ASIC2: variants seen among roughly 807,000 people sequenced by gnomAD.
ASIC2 encodes acid-sensing ion channel 2.
ASIC2 carries 25 observed loss-of-function variants against 57.3 expected under a neutral mutation model. That is an observed-to-expected ratio of 0.44 (90% CI 0.32 to 0.61). The LOEUF (loss-of-function observed/expected upper bound fraction) is 0.61. Among genes scored for constraint, ASIC2 ranks in the 20% least tolerant of loss-of-function variants. ASIC2 has a pLI of 0.06. For synonymous variants in ASIC2, 319 were observed against 307.5 expected, an observed-to-expected ratio of 1.04 and a Z score of -0.39; for missense variants, 641 against 738.1, an observed-to-expected ratio of 0.87 and a Z score of 1.52.
At chr17:33,631,162 G>A (rs8080899) in intron 1 of ASIC2, among the ~76,000 whole-genome samples, 3 of 152,144 alleles carry the variant, frequency 2.0e-5, no homozygotes, top group Non-Finnish European at 2.9e-5. Context: ...GCCAGGCAAC[G>A]TACAGGTCAA....
chr17:33,646,701 G>A (rs1425334595), intron 1 of ASIC2, among the ~76,000 whole-genome samples: 1 of 152,200 alleles, frequency 6.6e-6, no homozygotes, highest in Non-Finnish European at 1.5e-5. Context: ...TTGACAAGCT[G>A]GGATGGGGCT....
At chr17:33,909,550 G>A (rs2141958165) in intron 1 of ASIC2, among the ~76,000 whole-genome samples, 1 of 152,292 alleles carries the variant, frequency 6.6e-6, no homozygotes, top group South Asian at 2.1e-4. Flanking sequence ...GGAGGCAAGA[G>A]AGGGGAGACA....
At chr17:33,499,709 T>C (rs1161813451) in intron 1 of ASIC2, among the ~76,000 whole-genome samples, 1 of 152,240 alleles carries the variant, frequency 6.6e-6, no homozygotes, top group African/African-American at 2.4e-5. Flanking sequence ...AGACCTAAGC[T>C]GGTTCAACCA....
intron 1 of ASIC2, among the ~76,000 whole-genome samples, chr17:33,327,609 G>T (rs1301167188): frequency 6.6e-6 from 1 of 152,162 alleles, no homozygotes; most frequent in Non-Finnish European, 1.5e-5. Context: ...AGAAGACATG[G>T]TGTGTAAATG....
chr17:33,387,379 T>C, intron 1 of ASIC2, among the ~76,000 whole-genome samples: 1 of 152,260 alleles, frequency 6.6e-6, no homozygotes, highest in East Asian at 1.9e-4. Context: ...GGCTCTTTTC[T>C]CAATCAGATG....
intron 4 of ASIC2, among the ~76,000 whole-genome samples, chr17:33,027,070 T>C (rs1294059935): frequency 1.3e-5 from 2 of 152,176 alleles, no homozygotes; most frequent in African/African-American, 4.8e-5. Context: ...GAGGCCAATG[T>C]TCTTTTTGAA....
intron 1 of ASIC2, among the ~76,000 whole-genome samples, chr17:33,392,745 G>A (rs1260792296): frequency 9.2e-5 from 14 of 152,136 alleles, no homozygotes; most frequent in Admixed American, 9.2e-4. Context: ...TTGAAATGGT[G>A]CCAGAGAATG....
intron 1 of ASIC2, among the ~76,000 whole-genome samples, chr17:33,547,564 C>A (rs1353730919): frequency 6.6e-6 from 1 of 152,140 alleles, no homozygotes; most frequent in Non-Finnish European, 1.5e-5. Flanking sequence ...TAATCTCCTA[C>A]AAGCCCTCCT....
At chr17:34,113,201 C>T (rs1911327238) in intron 1 of ASIC2, among the ~76,000 whole-genome samples, 2 of 151,966 alleles carry the variant, frequency 1.3e-5, no homozygotes, top group South Asian at 2.1e-4. Flanking sequence ...AGACATTGCC[C>T]GAAGAGAGGG....
intron 1 of ASIC2, among the ~76,000 whole-genome samples, chr17:34,110,888 G>A (rs1911247629): frequency 6.6e-6 from 1 of 152,002 alleles, no homozygotes; most frequent in South Asian, 2.1e-4. Context: ...ACTAGTAAAG[G>A]GCACAGGGCT....
At chr17:33,558,658 C>G (rs1182064036) in intron 1 of ASIC2, among the ~76,000 whole-genome samples, 1 of 152,142 alleles carries the variant, frequency 6.6e-6, no homozygotes, top group East Asian at 1.9e-4. Context: ...GCCTCTGTAG[C>G]AAATAATCAG....
intron 1 of ASIC2, among the ~76,000 whole-genome samples, chr17:33,388,904 C>T (rs909791268): frequency 3.9e-5 from 6 of 152,228 alleles, no homozygotes; most frequent in Non-Finnish European, 5.9e-5. Flanking sequence ...ATGGCCTCTG[C>T]GGCCACATCA....
At chr17:34,128,885 G>C (rs4795866) in intron 1 of ASIC2, among the ~76,000 whole-genome samples, 135,880 of 152,170 alleles carry the variant, frequency 0.89, 61,082 homozygotes, top group African/African-American at 0.97. Context: ...ATGCCCCAGC[G>C]CCACCATCAG....
chr17:33,229,400 A>G (rs1597640897), intron 1 of ASIC2, among the ~76,000 whole-genome samples: 1 of 152,110 alleles, frequency 6.6e-6, no homozygotes, highest in Non-Finnish European at 1.5e-5. Flanking sequence ...GAGCATGGGG[A>G]CAGGTAGAAT....
chr17:33,719,299 G>T (rs571396700), intron 1 of ASIC2, among the ~76,000 whole-genome samples: 2 of 152,164 alleles, frequency 1.3e-5, no homozygotes, highest in Non-Finnish European at 2.9e-5. Flanking sequence ...GACCAGGAGT[G>T]CAAGGGAGAG....
intron 1 of ASIC2, among the ~76,000 whole-genome samples, chr17:33,496,866 C>T (rs1913953235): frequency 6.6e-6 from 1 of 152,160 alleles, no homozygotes; most frequent in Non-Finnish European, 1.5e-5. Flanking sequence ...GATCTGCCCA[C>T]ATCAGCCTCC....
At chr17:33,537,757 G>A (rs931660524) in intron 1 of ASIC2, among the ~76,000 whole-genome samples, 1 of 152,166 alleles carries the variant, frequency 6.6e-6, no homozygotes, top group African/African-American at 2.4e-5. Flanking sequence ...GGAAACCAAG[G>A]GAAGAATGAA....
chr17:33,959,214 C>T (rs748084798), intron 1 of ASIC2, among the ~76,000 whole-genome samples: 42 of 152,332 alleles, frequency 2.8e-4, no homozygotes, highest in Middle Eastern at 3.4e-3. Flanking sequence ...CCCACATTTT[C>T]CTATCTTCTT....
At chr17:33,809,038 G>A (rs1040388262) in intron 1 of ASIC2, among the ~76,000 whole-genome samples, 3 of 152,232 alleles carry the variant, frequency 2.0e-5, no homozygotes, top group Non-Finnish European at 4.4e-5. Context: ...GAGGTGAAAA[G>A]TTACGTTCTC....
Sources: allele counts gnomAD v4.1 joint callset (sites outside exome capture counted in the v4.1 genomes callset), GRCh38; gene constraint gnomAD v4.1.1; transcripts MANE v1.5; gene names NCBI Gene and HGNC (gene_info 2026-07-23, HGNC 2026-07-21).